Variants in TINAGL1 observed in about 807,000 individuals in gnomAD.
The protein encoded by TINAGL1 is tubulointerstitial nephritis antigen-like.
In TINAGL1, 34 loss-of-function variants were observed where a neutral mutation model predicts 62.0. The observed-to-expected ratio is 0.55, with a 90% confidence interval of 0.42 to 0.73. TINAGL1 has a LOEUF of 0.73. TINAGL1 is among the 30% of genes least tolerant of loss of function. TINAGL1 has a pLI of 0.00. For synonymous variants in TINAGL1, 221 were observed against 249.7 expected (o/e 0.88, Z 1.08); for missense variants, 516 against 653.2 (o/e 0.79, Z 2.29).
chr1:31,586,667 A>C, intron 10 of TINAGL1, 43 bp from the exon 11 acceptor site: 3 of 1,553,968 alleles, frequency 1.9e-6, no homozygotes, highest in South Asian at 2.4e-5. Flanking sequence ...TCCTGAGAGC[A>C]GGTAGACCCA....
At chr1:31,580,477 T>C in intron 3 of TINAGL1, 1 of 1,289,288 alleles carries the variant, frequency 7.8e-7, no homozygotes, top group Non-Finnish European at 1.0e-6. Context: ...TTCCAGAGTC[T>C]AGTCGGGTGC....
Position 31,583,063 on chromosome 1 carries a change from TG to T in TINAGL1, c.375-84del. 1.7e-6 allele frequency: 2 copies of T among 1,182,272 alleles called. No homozygotes were observed. Among genetic ancestry groups the T allele is most frequent in the Non-Finnish European group, 2.5e-6 (2 of 789,070 alleles). The allele number at this position is 1,182,272 out of a possible 1,614,324, so 73.2% of individuals were successfully genotyped here. ...CCCACAGTCACTTGCACAGACTCCC[TG>T]GCCCATGTTAACCTCCGAGGCCACA... On this transcript the variant is annotated intron_variant, in intron 3 of 11. Transcript: ENST00000271064. This position sits in a 1 kb window ranked among gnomAD's most constrained non-coding sequence, Gnocchi z 4.4.
rs1031483513 is a variant in TINAGL1, at chr1:31,576,546, G to A, written c.-65G>A. ...GAGCGTCCGGCGGTCGCAGAGCCAG[G>A]AGGCGGAGGCGCGCGGGCCAGCCTG... On this transcript the variant is annotated 5_prime_UTR_variant, in exon 1 of 12. Transcript: ENST00000271064. The surrounding 1 kb of genome is among the most constrained non-coding windows in gnomAD (Gnocchi z 5.1). 7 of 152,396 alleles carry A rather than the reference G, an allele frequency of 4.6e-5. No homozygotes were observed. The highest frequency in any genetic ancestry group is 2.0e-4 in the Admixed American group (3 of 15,294). The allele number at this position is 152,396 out of a possible 1,614,324, so 9.4% of individuals were successfully genotyped here. A position where few individuals can be genotyped will look rare whatever the true frequency, so the allele number is the denominator to read the frequency against.
In TINAGL1 at chr1:31,580,713, A is replaced by G. The variant is rs897445679; in HGVS notation, c.374+1446A>G. 3 of 1,270,120 alleles carry G rather than the reference A, an allele frequency of 2.4e-6. No individual in the cohort carries two copies. The African/African-American group carries it at 4.6e-5, about 19-fold the overall frequency. The allele number at this position is 1,270,120 out of a possible 1,614,324, so 78.7% of individuals were successfully genotyped here. On this transcript the variant is annotated intron_variant, in intron 3 of 11. Transcript: ENST00000271064. ...TGGACAGCTTGCAAGGAGGCAGTTC[A>G]GCATCTTGTAATAACAGAGTTATGA...
chr1:31,580,996 G>A (rs1369953198), intron 3 of TINAGL1, among the ~76,000 whole-genome samples: 1 of 152,162 alleles, frequency 6.6e-6, no homozygotes, highest in Non-Finnish European at 1.5e-5. Flanking sequence ...GAGTGGGTGG[G>A]AAAGCTACTC....
intron 3 of TINAGL1, 98 bp downstream of exon 3, chr1:31,579,365 C>G: frequency 9.5e-7 from 1 of 1,050,758 alleles, no homozygotes; most frequent in Non-Finnish European, 1.5e-6. Flanking sequence ...AGGGAGAAGT[C>G]TTTTCCCTTC....
Position 31,583,319 on chromosome 1 carries a change from C to T in TINAGL1, c.467+78C>T, listed in dbSNP as rs1639295981. 1.3e-6 allele frequency: 2 copies of T among 1,527,934 alleles called. No individual in the cohort carries two copies. The allele number at this position is 1,527,934 out of a possible 1,614,324, so 94.6% of individuals were successfully genotyped here. On this transcript the variant is annotated intron_variant, in intron 4 of 11. Transcript: ENST00000271064. This position sits in a 1 kb window ranked among gnomAD's most constrained non-coding sequence, Gnocchi z 4.4. ...TATACACGCATGCTGTGCTGTGGGG[C>T]ACGTCCAGCAGGCCACTCCTACACC...
chr1:31,583,373 C>CTG lies in TINAGL1; in HGVS notation c.468-85_468-84dup. ...ATTTGACTGTGTGTGCGCTCAGCCA[C>CTG]TGTGCGTCTCTCCCACCCACATGCA... On this transcript the variant is annotated intron_variant, in intron 4 of 11. Transcript: ENST00000271064. The surrounding 1 kb of genome is among the most constrained non-coding windows in gnomAD (Gnocchi z 4.4). The CTG allele has an allele frequency of 1.4e-6, 2 of 1,464,968 alleles. No homozygotes were observed. Among genetic ancestry groups the CTG allele is most frequent in the Non-Finnish European group, 9.4e-7 (1 of 1,058,652 alleles). The allele number at this position is 1,464,968 out of a possible 1,614,324, so 90.7% of individuals were successfully genotyped here. A position where few individuals can be genotyped will look rare whatever the true frequency, so the allele number is the denominator to read the frequency against.
In TINAGL1 at chr1:31,577,040, G is replaced by A. The variant is rs1239140992; in HGVS notation, c.-15-94G>A. On this transcript the variant is annotated intron_variant, in intron 1 of 11. Transcript: ENST00000271064. This position sits in a 1 kb window ranked among gnomAD's most constrained non-coding sequence, Gnocchi z 5.4. Reference sequence around the variant, plus strand: ...CTCAGGAATCGGGATCTCCCTCCCTGCTGGGCCCTCTTGAACTCACAGCTC... The same window carrying A: ...CTCAGGAATCGGGATCTCCCTCCCTACTGGGCCCTCTTGAACTCACAGCTC... 1.7e-6 allele frequency: 2 copies of A among 1,171,544 alleles called. No homozygotes were observed. The highest frequency in any genetic ancestry group is 1.5e-5 in the African/African-American group (1 of 64,592). The allele number at this position is 1,171,544 out of a possible 1,614,324, so 72.6% of individuals were successfully genotyped here. A position where few individuals can be genotyped will look rare whatever the true frequency, so the allele number is the denominator to read the frequency against.
rs1468467297 is a variant in TINAGL1 at position 31,585,077 on chromosome 1, G to A, written c.857+41G>A. ...GGATGTGGGCAGAGAAGAGGGCAAGGAGCTCCGTGGGCATGGCCTGGGCCA... is the reference window on the plus strand; with the variant it reads ...GGATGTGGGCAGAGAAGAGGGCAAGAAGCTCCGTGGGCATGGCCTGGGCCA... On this transcript the variant is annotated intron_variant, in intron 7 of 11. Coordinates refer to ENST00000271064, the MANE Select transcript of TINAGL1 (RefSeq NM_022164.3). The surrounding 1 kb of genome is among the most constrained non-coding windows in gnomAD (Gnocchi z 4.3). The A allele has an allele frequency of 1.3e-6, 2 of 1,571,034 alleles. No individual in the cohort carries two copies. Among genetic ancestry groups the A allele is most frequent in the Non-Finnish European group, 1.7e-6 (2 of 1,154,476 alleles).
Position 31,577,256 on chromosome 1 carries a change from C to T in TINAGL1, c.108C>T (p.His36=), listed in dbSNP as rs767969246. The change falls in exon 2 of 12, where the codon CAC becomes CAT. Residue 36 remains histidine (H), a synonymous_variant. Transcript: ENST00000271064. The surrounding 1 kb of genome is among the most constrained non-coding windows in gnomAD (Gnocchi z 5.4). Reference sequence around the variant, plus strand: ...GCCGGGAGCTAGCACCGGGTCTGCACCTGCGGGGCATCCGGGACGCGGGAG... The same window carrying T: ...GCCGGGAGCTAGCACCGGGTCTGCATCTGCGGGGCATCCGGGACGCGGGAG... The part of the protein sequence containing the change: ...RGRRELAPGL[H]LRGIRDAGGR... 1 of 1,611,060 alleles carries T rather than the reference C, an allele frequency of 6.2e-7. No individual in the cohort carries two copies. The highest frequency in any genetic ancestry group is 8.5e-7 in the Non-Finnish European group (1 of 1,179,274).
chr1:31,580,104 G>A (rs1197916454), intron 3 of TINAGL1, among the ~76,000 whole-genome samples: 1 of 150,878 alleles, frequency 6.6e-6, no homozygotes, highest in Non-Finnish European at 1.5e-5. Context: ...GATAAAACAT[G>A]CCTGGCCCGC....
chr1:31,585,959 C>T lies in TINAGL1; in HGVS notation c.1217+83C>T. 1 of 1,458,588 alleles carries T rather than the reference C, an allele frequency of 6.9e-7. No individual in the cohort carries two copies. The highest frequency in any genetic ancestry group is 9.1e-7 in the Non-Finnish European group (1 of 1,100,268). The allele number at this position is 1,458,588 out of a possible 1,614,324, so 90.4% of individuals were successfully genotyped here. On this transcript the variant is annotated intron_variant, in intron 10 of 11. Transcript: ENST00000271064. This position sits in a 1 kb window ranked among gnomAD's most constrained non-coding sequence, Gnocchi z 4.3. ...GGAGCCTGCCTTGGGTTCTTACAAC[C>T]TCTCTAAAAAGCCAGGACTGCTCTC... is the stretch of plus-strand genomic sequence containing the variant.
chr1:31,578,360 A>G (rs1639068367), intron 2 of TINAGL1, among the ~76,000 whole-genome samples: 1 of 126,654 alleles, frequency 7.9e-6, no homozygotes, highest in Non-Finnish European at 1.6e-5. Context: ...TTTGGCTTCA[A>G]TTTCAGTGAG....
At chr1:31,580,085 G>A in intron 3 of TINAGL1, among the ~76,000 whole-genome samples, 1 of 145,234 alleles carries the variant, frequency 6.9e-6, no homozygotes, top group South Asian at 2.2e-4. Flanking sequence ...GTGTGTGTGT[G>A]TTCAAAAGGA....
At position 31,585,963 on chromosome 1, in the gene TINAGL1, C is replaced by G; in HGVS notation, c.1217+87C>G. ...CCTGCCTTGGGTTCTTACAACCTCT[C>G]TAAAAAGCCAGGACTGCTCTCATCA... is the stretch of plus-strand genomic sequence containing the variant. On this transcript the variant is annotated intron_variant, in intron 10 of 11. Transcript: ENST00000271064. The surrounding 1 kb of genome is among the most constrained non-coding windows in gnomAD (Gnocchi z 4.3). 5 of 1,451,100 alleles carry G rather than the reference C, an allele frequency of 3.4e-6. No individual in the cohort carries two copies. Among genetic ancestry groups the G allele is most frequent in the Non-Finnish European group, 3.7e-6 (4 of 1,094,848 alleles). The allele number at this position is 1,451,100 out of a possible 1,614,324, so 89.9% of individuals were successfully genotyped here.
chr1:31,586,459 T>C, intron 10 of TINAGL1: 1 of 593,182 alleles, frequency 1.7e-6, no homozygotes, highest in East Asian at 2.9e-5. Flanking sequence ...CCAGGTTCCC[T>C]CCTCTTCTGC....
In TINAGL1 at chr1:31,587,683, A is replaced by T. The variant is rs928863616; in HGVS notation, c.*704A>T. On this transcript the variant is annotated 3_prime_UTR_variant, in exon 12 of 12. Transcript: ENST00000271064. ...GTTTTAAAATAAAACCAAAGTATTG[A>T]TAACTACAGTGTCTTGGAACCTCTG... The T allele has an allele frequency of 6.6e-6, 1 of 152,234 alleles. No homozygotes were observed. Among genetic ancestry groups the T allele is most frequent in the African/African-American group, 2.4e-5 (1 of 41,446 alleles). The allele number at this position is 152,234 out of a possible 1,614,324, so 9.4% of individuals were successfully genotyped here.
Position 31,578,884 on chromosome 1 carries a change from G to GTGTGTGTGTA in TINAGL1, c.311-311_311-310insATGTGTGTGT, listed in dbSNP as rs1379100316. ...TTAATCTCAGTGAGAGCTGGTGTGT[G>GTGTGTGTGTA]TGTGTGTGTGTGTGATATCTTCAGT... On this transcript the variant is annotated intron_variant, in intron 2 of 11. Transcript: ENST00000271064. Among the ~76,000 whole-genome samples the GTGTGTGTGTA allele has an allele frequency of 2.2e-4, 32 of 145,124 alleles. 7 individuals carry two copies. In the East Asian group the frequency reaches 6.3e-3, roughly 29 times the overall value.
Sources: allele counts gnomAD v4.1 joint callset (sites outside exome capture counted in the v4.1 genomes callset), GRCh38; gene constraint gnomAD v4.1.1; non-coding constraint Gnocchi (gnomAD v3.1); transcripts MANE v1.5; gene names NCBI Gene and HGNC (gene_info 2026-07-23, HGNC 2026-07-21).